The following NAV3 variants were observed in gnomAD, a reference collection of about 807,000 sequenced individuals.
NAV3 encodes the protein neuron navigator 3, also known as pore membrane and/or filament interacting like protein 1.
A neutral mutation model predicts 244.7 loss-of-function variants in NAV3; 87 were observed. The ratio of observed to expected loss-of-function variants is 0.36; its 90% CI spans 0.30 to 0.42. NAV3 has a LOEUF of 0.42. Among genes scored for constraint, NAV3 ranks in the 20% least tolerant of loss-of-function variants. The pLI is 1.00. For synonymous variants in NAV3, 1,126 were observed against 1,042.2 expected, an observed-to-expected ratio of 1.08 and a Z score of -1.55; for missense variants, 2,663 against 2,893.3, an observed-to-expected ratio of 0.92 and a Z score of 1.83.
intron 2 of NAV3, among the ~76,000 whole-genome samples, chr12:77,632,388 A>G (rs1032783535): frequency 6.6e-5 from 10 of 152,228 alleles, no homozygotes; most frequent in African/African-American, 2.4e-4. Context: ...AGGCCTCTCA[A>G]TCATGGCGGA....
chr12:78,020,966 G>T (rs1336671246), intron 8 of NAV3, among the ~76,000 whole-genome samples: 6 of 152,106 alleles, frequency 3.9e-5, no homozygotes, highest in Non-Finnish European at 5.9e-5. Flanking sequence ...CATTTAAAAT[G>T]TGTGTTAGTT....
intron 2 of NAV3, among the ~76,000 whole-genome samples, chr12:77,612,267 A>G (rs1386703141): frequency 6.6e-6 from 1 of 152,158 alleles, no homozygotes; most frequent in Non-Finnish European, 1.5e-5. Context: ...ATCAGTTCTC[A>G]TAAATGTCTC....
chr12:78,198,467 A>G (rs1051823098), intron 35 of NAV3, 138 bp from the exon 36 acceptor site: 2 of 482,824 alleles, frequency 4.1e-6, no homozygotes, highest in Non-Finnish European at 7.4e-6. Flanking sequence ...GTCATTTTCC[A>G]TTACAGAATT....
At chr12:77,987,054 ATTGTT>A (rs1237755685) in intron 5 of NAV3, among the ~76,000 whole-genome samples, 8 of 152,270 alleles carry the variant, frequency 5.3e-5, no homozygotes, top group Admixed American at 2.0e-4. Flanking sequence ...AACCTTTAAA[ATTGTT>A]TTGTTTACTC....
At chr12:77,728,374 G>C (rs1194047090) in intron 2 of NAV3, among the ~76,000 whole-genome samples, 1 of 151,844 alleles carries the variant, frequency 6.6e-6, no homozygotes, top group Non-Finnish European at 1.5e-5. Flanking sequence ...ACTTGCAAGA[G>C]TGTGAAAAGT....
chr12:77,828,124 G>A (rs1873208812), upstream of NAV3, among the ~76,000 whole-genome samples: 1 of 152,152 alleles, frequency 6.6e-6, no homozygotes, highest in South Asian at 2.1e-4. Context: ...TAAAAGGTGA[G>A]TAGGCCATGA....
At chr12:77,918,782 G>A (rs1006219883) in intron 1 of NAV3, among the ~76,000 whole-genome samples, 1 of 152,018 alleles carries the variant, frequency 6.6e-6, no homozygotes, top group Non-Finnish European at 1.5e-5. Flanking sequence ...AGTTCCAAGA[G>A]CAGCAAATAA....
intron 1 of NAV3, among the ~76,000 whole-genome samples, chr12:77,843,279 G>T (rs559873702): frequency 1.3e-5 from 2 of 151,816 alleles, no homozygotes; most frequent in Non-Finnish European, 2.9e-5. Flanking sequence ...TCTGATTCCA[G>T]CTAGACCTAT....
intron 2 of NAV3, among the ~76,000 whole-genome samples, chr12:77,818,470 C>T (rs1383985478): frequency 6.6e-6 from 1 of 152,002 alleles, no homozygotes; most frequent in Non-Finnish European, 1.5e-5. Context: ...ACAAAACTTT[C>T]CATTTATGTT....
intron 2 of NAV3, among the ~76,000 whole-genome samples, chr12:77,727,706 G>T (rs1371700705): frequency 6.6e-6 from 1 of 151,906 alleles, no homozygotes; most frequent in African/African-American, 2.4e-5. Context: ...AAATCAACGA[G>T]TCTGTGAGGT....
chr12:78,183,522 G>A (rs1244256835), intron 30 of NAV3, among the ~76,000 whole-genome samples: 1 of 152,042 alleles, frequency 6.6e-6, no homozygotes, highest in African/African-American at 2.4e-5. Flanking sequence ...CTAGTAAGCA[G>A]CAGAACTAAT....
At chr12:78,009,828 G>A (rs970432950) in intron 8 of NAV3, among the ~76,000 whole-genome samples, 7 of 152,274 alleles carry the variant, frequency 4.6e-5, no homozygotes, top group Middle Eastern at 6.8e-3. Context: ...ATAATCCCAT[G>A]TAAAATTTTT....
At chr12:77,889,264 AC>A (rs1883659401) in intron 1 of NAV3, among the ~76,000 whole-genome samples, 1 of 152,184 alleles carries the variant, frequency 6.6e-6, no homozygotes, top group South Asian at 2.1e-4. Flanking sequence ...TTAAGAGGGA[AC>A]TTTACCTGCC....
intron 2 of NAV3, among the ~76,000 whole-genome samples, chr12:77,675,745 A>C (rs1004334862): frequency 4.6e-5 from 7 of 152,112 alleles, no homozygotes; most frequent in Non-Finnish European, 8.8e-5. Context: ...TCCAGTTGTC[A>C]GTGGGTGAGT....
At chr12:78,142,449 T>C (rs1308763045) in intron 20 of NAV3, among the ~76,000 whole-genome samples, 2 of 151,952 alleles carry the variant, frequency 1.3e-5, no homozygotes, top group Non-Finnish European at 2.9e-5. Context: ...AAGAGATGAA[T>C]TGACTTTTTT....
chr12:77,732,115 T>A (rs1272861275), intron 2 of NAV3, among the ~76,000 whole-genome samples: 9 of 152,010 alleles, frequency 5.9e-5, no homozygotes, highest in Non-Finnish European at 1.3e-4. Flanking sequence ...TGCTGCTAAT[T>A]TATGTTCTTT....
intron 2 of NAV3, among the ~76,000 whole-genome samples, chr12:77,723,849 G>GT (rs1361031918): frequency 7.4e-6 from 1 of 135,634 alleles, no homozygotes; most frequent in Non-Finnish European, 1.5e-5. Context: ...AACTTAAACA[G>GT]TAAGTCCTTG....
chr12:78,181,491 G>A (rs1462388624), intron 30 of NAV3, among the ~76,000 whole-genome samples: 2 of 152,012 alleles, frequency 1.3e-5, no homozygotes, highest in African/African-American at 4.8e-5. Flanking sequence ...CTGTCACCCA[G>A]TCTGCAGCTC....
At chr12:78,097,339 T>C (rs1419264382) in intron 12 of NAV3, among the ~76,000 whole-genome samples, 1 of 152,148 alleles carries the variant, frequency 6.6e-6, no homozygotes, top group Non-Finnish European at 1.5e-5. Flanking sequence ...AGTTGGCTGT[T>C]TGTGCTAGAA....
Sources: allele counts gnomAD v4.1 joint callset (sites outside exome capture counted in the v4.1 genomes callset), GRCh38; gene constraint gnomAD v4.1.1; transcripts MANE v1.5; gene names NCBI Gene and HGNC (gene_info 2026-07-23, HGNC 2026-07-21).